Variants in BICRAL observed in about 807,000 individuals in gnomAD.
The protein encoded by BICRAL is BICRA like chromatin remodeling complex associated protein, also known as BRD4-interacting chromatin-remodeling complex-associated protein-like.
BICRAL carries 8 observed loss-of-function variants against 91.8 expected under a neutral mutation model. That is an observed-to-expected ratio of 0.09 (90% CI 0.05 to 0.16). The LOEUF (loss-of-function observed/expected upper bound fraction) is 0.16, where lower values mean the gene tolerates loss of function less well. Among genes scored for constraint, BICRAL ranks in the 10% least tolerant of loss-of-function variants. The pLI is 1.00. For synonymous variants in BICRAL, 445 were observed against 491.1 expected, an observed-to-expected ratio of 0.91 and a Z score of 1.24; for missense variants, 1,038 against 1,310.9, an observed-to-expected ratio of 0.79 and a Z score of 3.21.
At chr6:42,816,602 G>T (rs1430080393) in intron 2 of BICRAL, among the ~76,000 whole-genome samples, 2 of 152,124 alleles carry the variant, frequency 1.3e-5, no homozygotes, top group East Asian at 3.9e-4. Flanking sequence ...AAACTGACTT[G>T]AGGTTCTTGT....
intron 6 of BICRAL, among the ~76,000 whole-genome samples, chr6:42,833,082 G>A (rs1397919842): frequency 2.7e-5 from 4 of 149,080 alleles, no homozygotes; most frequent in Non-Finnish European, 4.4e-5. Flanking sequence ...TTGAGATGGA[G>A]TCTCGCTCTG....
chr6:42,815,059 A>G (rs1426631892), intron 2 of BICRAL, among the ~76,000 whole-genome samples: 2 of 150,230 alleles, frequency 1.3e-5, no homozygotes, highest in African/African-American at 4.9e-5. Context: ...ACAGGCACGC[A>G]CCACCACGCC....
chr6:42,849,922 A>G (rs9471930), intron 6 of BICRAL, among the ~76,000 whole-genome samples: 19,563 of 151,974 alleles, frequency 0.13, 2,607 homozygotes, highest in African/African-American at 0.34. Flanking sequence ...GCATGGTCAG[A>G]CCTACTTGGG....
At chr6:42,790,523 AC>A (rs70990137) in intron 1 of BICRAL, among the ~76,000 whole-genome samples, 66,079 of 137,156 alleles carry the variant, frequency 0.48, 15,411 homozygotes, top group African/African-American at 0.58. Flanking sequence ...AGTATGTAGC[AC>A]CCCCCCCCCA....
At chr6:42,781,447 A>G (rs1397422918), upstream of BICRAL, among the ~76,000 whole-genome samples, 2 of 152,222 alleles carry the variant, frequency 1.3e-5, no homozygotes, top group Non-Finnish European at 2.9e-5. Context: ...TAACTAAGTT[A>G]AAAGTCGTTT....
intron 3 of BICRAL, 135 bp from the exon 4 acceptor site, chr6:42,822,661 C>A: frequency 1.8e-5 from 9 of 513,846 alleles, no homozygotes; most frequent in South Asian, 6.2e-5. Flanking sequence ...AAAAAACCTA[C>A]TAATAGTTTT....
chr6:42,826,675 G>A (rs1327880291), intron 5 of BICRAL, among the ~76,000 whole-genome samples: 2 of 152,096 alleles, frequency 1.3e-5, no homozygotes, highest in Non-Finnish European at 2.9e-5. Flanking sequence ...GTTGTGCTGT[G>A]GATGGTAGTC....
At chr6:42,855,955 A>G in intron 9 of BICRAL, 38 bp downstream of exon 9, 1 of 1,501,388 alleles carries the variant, frequency 6.7e-7, no homozygotes, top group Non-Finnish European at 9.3e-7. Flanking sequence ...AATTCTGAAC[A>G]CTTCTTTGGG....
intron 1 of BICRAL, among the ~76,000 whole-genome samples, chr6:42,748,841 G>C (rs191155740): frequency 6.6e-6 from 1 of 152,182 alleles, no homozygotes; most frequent in Admixed American, 6.5e-5. Context: ...GGCATTGCCC[G>C]GCTGTGTTTG....
chr6:42,746,590 C>G (rs942735971), upstream of BICRAL, among the ~76,000 whole-genome samples: 1 of 152,098 alleles, frequency 6.6e-6, no homozygotes, highest in Non-Finnish European at 1.5e-5. Flanking sequence ...TGGCCCGCGC[C>G]GGAGGAAGCA....
chr6:42,796,883 T>G (rs1425525247), intron 1 of BICRAL, among the ~76,000 whole-genome samples: 1 of 151,796 alleles, frequency 6.6e-6, no homozygotes, highest in Admixed American at 6.6e-5. Flanking sequence ...CCATCCCTAC[T>G]AAAAGCACAA....
At chr6:42,764,944 C>G (rs904920904) in intron 1 of BICRAL, among the ~76,000 whole-genome samples, 1 of 152,196 alleles carries the variant, frequency 6.6e-6, no homozygotes, top group Admixed American at 6.5e-5. Flanking sequence ...CAGGCATGAG[C>G]GACCACGCCC....
At chr6:42,782,606 G>C (rs998629287) in intron 1 of BICRAL, among the ~76,000 whole-genome samples, 14 of 151,730 alleles carry the variant, frequency 9.2e-5, no homozygotes, top group Admixed American at 2.6e-4. Context: ...AGCGGGGAGA[G>C]GGAGAGCCCG....
intron 8 of BICRAL, among the ~76,000 whole-genome samples, chr6:42,855,644 A>G (rs1443892284): frequency 2.0e-5 from 3 of 151,882 alleles, no homozygotes; most frequent in South Asian, 4.1e-4. Context: ...AACCGATTAT[A>G]CACCTTTCTG....
At chr6:42,840,034 TCAAA>T (rs1764739294) in intron 6 of BICRAL, among the ~76,000 whole-genome samples, 1 of 152,212 alleles carries the variant, frequency 6.6e-6, no homozygotes, top group South Asian at 2.1e-4. Context: ...AAATAATCTA[TCAAA>T]CAAAAGTAAA....
At chr6:42,796,050 A>C (rs1763406574) in intron 1 of BICRAL, among the ~76,000 whole-genome samples, 2 of 152,206 alleles carry the variant, frequency 1.3e-5, no homozygotes, top group African/African-American at 4.8e-5. Context: ...GAGAGCATCT[A>C]TTCATTTATC....
intron 1 of BICRAL, among the ~76,000 whole-genome samples, chr6:42,788,325 A>T (rs550248194): frequency 1.3e-5 from 2 of 151,062 alleles, no homozygotes; most frequent in Non-Finnish European, 2.9e-5. Context: ...CTTGGGTTCA[A>T]GCAATTCTCC....
chr6:42,750,632 A>G (rs1364174562), intron 1 of BICRAL, among the ~76,000 whole-genome samples: 3 of 151,914 alleles, frequency 2.0e-5, no homozygotes, highest in East Asian at 3.9e-4. Context: ...CTGGAGTGCA[A>G]TGGCGCGATC....
At chr6:42,831,755 T>G (rs1236939223) in intron 6 of BICRAL, among the ~76,000 whole-genome samples, 1 of 151,784 alleles carries the variant, frequency 6.6e-6, no homozygotes, top group Non-Finnish European at 1.5e-5. Context: ...CTTTTTTTTT[T>G]TTTGAGACAG....
Sources: gnomAD v4.1 joint callset for allele counts (sites outside exome capture counted in the v4.1 genomes callset) on GRCh38, gnomAD v4.1.1 for gene constraint, MANE v1.5 for transcripts, NCBI Gene and HGNC (gene_info 2026-07-23, HGNC 2026-07-21) for gene names.